EHBP1: variants seen among roughly 807,000 people sequenced by gnomAD.
EHBP1 encodes the protein EH domain binding protein 1, also known as EH domain-binding protein 1.
EHBP1 carries 55 observed loss-of-function variants against 144.0 expected under a neutral mutation model. The ratio of observed to expected loss-of-function variants is 0.38; its 90% confidence interval spans 0.31 to 0.48. EHBP1 has a LOEUF of 0.48. Among genes scored for constraint, EHBP1 ranks in the 20% least tolerant of loss-of-function variants. The probability of loss-of-function intolerance (pLI) is 0.98; values close to 1 mark genes in which losing one functional copy is unlikely to be tolerated. For missense variants in EHBP1, 1,200 were observed against 1,364.2 expected (o/e 0.88, Z 1.90); for synonymous variants, 469 against 472.7 (o/e 0.99, Z 0.10).
intron 10 of EHBP1, among the ~76,000 whole-genome samples, chr2:62,879,715 A>G (rs965460105): frequency 6.6e-6 from 1 of 152,146 alleles, no homozygotes; most frequent in African/African-American, 2.4e-5. Flanking sequence ...GAGATGACAC[A>G]AACAAGTAGA....
chr2:62,821,025 A>T (rs2045945221), intron 5 of EHBP1, among the ~76,000 whole-genome samples: 1 of 151,584 alleles, frequency 6.6e-6, no homozygotes, highest in Non-Finnish European at 1.5e-5. Flanking sequence ...TAATTTTAAA[A>T]TTCAAATATT....
rs777202937 is a variant in EHBP1, at chr2:62,768,437, A to G, written c.259-2902A>G. Among the ~76,000 whole-genome samples the G allele has an allele frequency of 5.3e-5, 8 of 152,216 alleles. No individual in the cohort carries two copies. In the East Asian group the frequency reaches 1.3e-3, roughly 26 times the overall value. On this transcript the variant is annotated intron_variant, in intron 4 of 22. Coordinates refer to ENST00000431489, the MANE Select transcript of EHBP1 (RefSeq NM_001142616.3). Reference sequence around the variant, plus strand: ...CTAGAAGAGATGGATACATTCCTGGACACATGTACCCTCCCAAGAGTGAAC... The same window carrying G: ...CTAGAAGAGATGGATACATTCCTGGGCACATGTACCCTCCCAAGAGTGAAC...
Position 62,990,740 on chromosome 2 carries a change from T to G in EHBP1, c.2633T>G (p.Leu878Trp). The G allele has an allele frequency of 6.2e-7, 1 of 1,613,858 alleles. No homozygotes were observed. Among genetic ancestry groups the G allele is most frequent in the South Asian group, 1.1e-5 (1 of 91,076 alleles). The change falls in exon 16 of 23, where the codon TTG becomes TGG. Residue 878 changes from leucine (L) to tryptophan (W), a missense_variant. Around this residue, in one of 6 missense-constraint regions of EHBP1, gnomAD observed 543 missense variants for 513.1 expected, o/e 1.06. Coordinates refer to ENST00000431489, the MANE Select transcript of EHBP1 (RefSeq NM_001142616.3). ...SGEQNSKLVD[L>W]KLKKLLEVQP... ...GAACAAAACAGTAAGTTGGTGGACTTGAAGCTGAAGAAGCTCCTAGAAGTT... is the reference window on the plus strand; with the variant it reads ...GAACAAAACAGTAAGTTGGTGGACTGGAAGCTGAAGAAGCTCCTAGAAGTT...
intron 7 of EHBP1, among the ~76,000 whole-genome samples, chr2:62,839,745 C>G (rs954161518): frequency 4.6e-5 from 7 of 152,074 alleles, no homozygotes; most frequent in Non-Finnish European, 1.0e-4. Flanking sequence ...ACAATTGCTT[C>G]AAAGAGAATA....
intron 14 of EHBP1, among the ~76,000 whole-genome samples, chr2:62,960,908 A>G (rs1272220602): frequency 6.6e-6 from 1 of 152,122 alleles, no homozygotes; most frequent in Non-Finnish European, 1.5e-5. Context: ...ACATTATGAT[A>G]CCTTTCTTTG....
At chr2:63,036,057 T>C (rs1196608280) in intron 19 of EHBP1, among the ~76,000 whole-genome samples, 1 of 152,090 alleles carries the variant, frequency 6.6e-6, no homozygotes, top group Non-Finnish European at 1.5e-5. Context: ...TTCTCCCTAC[T>C]GGTAAACAAC....
chr2:62,974,920 C>G (rs547391079), intron 14 of EHBP1, among the ~76,000 whole-genome samples: 2 of 151,646 alleles, frequency 1.3e-5, no homozygotes, highest in Non-Finnish European at 2.9e-5. Context: ...AACTTAGTGA[C>G]GTAAAAAAAA....
intron 10 of EHBP1, among the ~76,000 whole-genome samples, chr2:62,919,339 G>A (rs138478100): frequency 4.3e-4 from 66 of 152,254 alleles, no homozygotes; most frequent in African/African-American, 1.5e-3. Context: ...TGGGAGACAG[G>A]CATTGAAGAC....
At chr2:62,784,215 A>G (rs1208085792) in intron 5 of EHBP1, among the ~76,000 whole-genome samples, 2 of 152,254 alleles carry the variant, frequency 1.3e-5, no homozygotes, top group Non-Finnish European at 2.9e-5. Context: ...AAAGCAATTA[A>G]CAATATATGT....
rs181381705 is a variant in EHBP1, at chr2:62,754,005, G to T, written c.162+6553G>T. ...TCTTCTCTCAACTTGTCAATGTCAT[G>T]ATCCGTCCAGGTTTGTTTCGTTGCT... is the stretch of plus-strand genomic sequence containing the variant. On this transcript the variant is annotated intron_variant, in intron 3 of 22. Coordinates refer to ENST00000431489, the MANE Select transcript of EHBP1 (RefSeq NM_001142616.3). Among the ~76,000 whole-genome samples, 76 of 152,310 alleles carry T rather than the reference G, an allele frequency of 5.0e-4. 1 individual carries two copies. The highest frequency in any genetic ancestry group is 2.3e-3 in the South Asian group (11 of 4,822).
intron 19 of EHBP1, among the ~76,000 whole-genome samples, chr2:63,005,529 A>G (rs966299933): frequency 2.0e-5 from 3 of 152,124 alleles, no homozygotes; most frequent in Admixed American, 1.3e-4. Context: ...CAATTTTTGA[A>G]TAGTGAATAG....
chr2:62,963,072 A>G (rs2058075435), intron 14 of EHBP1, among the ~76,000 whole-genome samples: 1 of 152,192 alleles, frequency 6.6e-6, no homozygotes, highest in Non-Finnish European at 1.5e-5. Context: ...TCCTCTAGAG[A>G]AAACAGTATA....
chr2:62,834,673 G>C (rs1161363594), intron 7 of EHBP1, among the ~76,000 whole-genome samples: 2 of 152,192 alleles, frequency 1.3e-5, no homozygotes, highest in African/African-American at 4.8e-5. Context: ...TCTGGAACCA[G>C]ACTAGCAATA....
In EHBP1 at chr2:62,714,892, G is replaced by T. The variant is rs367678236; in HGVS notation, c.104+7597G>T. Among the ~76,000 whole-genome samples the T allele has an allele frequency of 2.6e-5, 4 of 152,304 alleles. No individual in the cohort carries two copies. The East Asian group carries it at 5.8e-4, about 22-fold the overall frequency. ...ATGAGCTAAGTTTTGACAATACTTT[G>T]ACTTTTGGGGAGAGGAACTACATAT... is the stretch of plus-strand genomic sequence containing the variant. On this transcript the variant is annotated intron_variant, in intron 2 of 22. Coordinates refer to ENST00000431489, the MANE Select transcript of EHBP1 (RefSeq NM_001142616.3).
chr2:62,837,603 T>G (rs1331600802), intron 7 of EHBP1, among the ~76,000 whole-genome samples: 1 of 149,674 alleles, frequency 6.7e-6, no homozygotes, highest in East Asian at 2.0e-4. Flanking sequence ...CCATCTCACG[T>G]GCAGAGACAC....
At chr2:62,747,567 A>G (rs1460665595) in intron 3 of EHBP1, 115 bp downstream of exon 3, 1 of 806,100 alleles carries the variant, frequency 1.2e-6, no homozygotes, top group Admixed American at 2.5e-5. Context: ...TTTTTTCTTG[A>G]TTGTCTACTG....
chr2:62,808,046 C>G (rs2044650971), intron 5 of EHBP1, among the ~76,000 whole-genome samples: 1 of 150,282 alleles, frequency 6.7e-6, no homozygotes, highest in East Asian at 1.9e-4. Context: ...AAGTGAGACC[C>G]TATCTCTAAA....
chr2:62,830,428 C>A (rs72888969), intron 6 of EHBP1, among the ~76,000 whole-genome samples: 1 of 151,962 alleles, frequency 6.6e-6, no homozygotes, highest in African/African-American at 2.4e-5. Context: ...CCACCATGCC[C>A]GGCACATATA....
intron 1 of EHBP1, among the ~76,000 whole-genome samples, chr2:62,691,854 A>G (rs1314508713): frequency 6.6e-6 from 1 of 152,194 alleles, no homozygotes; most frequent in Non-Finnish European, 1.5e-5. Context: ...CTTTTAGTAA[A>G]ATGTGGCTGC....
Sources: allele counts gnomAD v4.1 joint callset (sites outside exome capture counted in the v4.1 genomes callset), GRCh38; gene constraint gnomAD v4.1.1; regional missense constraint gnomAD v4.1.1; transcripts MANE v1.5; gene names NCBI Gene and HGNC (gene_info 2026-07-23, HGNC 2026-07-21).